GRM7: variants seen among roughly 807,000 people sequenced by gnomAD.
GRM7 encodes metabotropic glutamate receptor 7.
A neutral mutation model predicts 84.5 loss-of-function variants in GRM7; 35 were observed. The observed-to-expected ratio is 0.41, with a 90% CI of 0.32 to 0.55. GRM7 has a LOEUF of 0.55. Ranked by LOEUF, GRM7 falls within the 20% of genes least tolerant of loss-of-function variation. The pLI is 0.19. For synonymous variants in GRM7, 487 were observed against 455.1 expected, an observed-to-expected ratio of 1.07 and a Z score of -0.89; for missense variants, 1,003 against 1,194.6, an observed-to-expected ratio of 0.84 and a Z score of 2.36.
At chr3:6,997,189 C>T (rs1228457623) in intron 1 of GRM7, among the ~76,000 whole-genome samples, 3 of 151,956 alleles carry the variant, frequency 2.0e-5, no homozygotes, top group Non-Finnish European at 4.4e-5. Context: ...TTATTAGCTA[C>T]ATTCAATAAT....
intron 1 of GRM7, among the ~76,000 whole-genome samples, chr3:7,022,052 G>A (rs1310646473): frequency 6.6e-6 from 1 of 152,098 alleles, no homozygotes; most frequent in Non-Finnish European, 1.5e-5. Flanking sequence ...TCTAGGCCGG[G>A]GACAGGGGTT....
chr3:6,896,340 C>T (rs1468093524), intron 1 of GRM7, among the ~76,000 whole-genome samples: 1 of 152,066 alleles, frequency 6.6e-6, no homozygotes, highest in Non-Finnish European at 1.5e-5. Context: ...CTAAGCCAAG[C>T]CTGTTTTGGC....
At chr3:7,019,384 C>T (rs532492967) in intron 1 of GRM7, among the ~76,000 whole-genome samples, 142 of 152,180 alleles carry the variant, frequency 9.3e-4, no homozygotes, top group African/African-American at 3.0e-3. Flanking sequence ...ATGTCGTGTC[C>T]GCTATTATAG....
At chr3:7,381,803 A>G (rs1694602632) in intron 4 of GRM7, among the ~76,000 whole-genome samples, 1 of 152,176 alleles carries the variant, frequency 6.6e-6, no homozygotes, top group Non-Finnish European at 1.5e-5. Context: ...ATATCCTATC[A>G]ATGTGATCTT....
chr3:6,913,919 T>C (rs537606738), intron 1 of GRM7, among the ~76,000 whole-genome samples: 4 of 152,192 alleles, frequency 2.6e-5, no homozygotes, highest in Admixed American at 6.5e-5. Context: ...AGATAAAATA[T>C]CATTTTTTCT....
intron 7 of GRM7, among the ~76,000 whole-genome samples, chr3:7,501,708 C>G (rs1699889101): frequency 6.6e-6 from 1 of 152,134 alleles, no homozygotes; most frequent in Non-Finnish European, 1.5e-5. Flanking sequence ...TGTTCATAAC[C>G]ATTTTCTTTG....
intron 2 of GRM7, among the ~76,000 whole-genome samples, chr3:7,294,973 C>G (rs1464053498): frequency 6.6e-6 from 1 of 152,120 alleles, no homozygotes; most frequent in Non-Finnish European, 1.5e-5. Flanking sequence ...TTCGTTTTCT[C>G]AATGCTGTCT....
At chr3:6,948,805 T>C (rs991493092) in intron 1 of GRM7, among the ~76,000 whole-genome samples, 41 of 152,356 alleles carry the variant, frequency 2.7e-4, no homozygotes, top group Non-Finnish European at 3.2e-4. Flanking sequence ...TTTACCATTA[T>C]GTAATGGCCT....
intron 8 of GRM7, among the ~76,000 whole-genome samples, chr3:7,639,693 T>G (rs943024371): frequency 1.3e-5 from 2 of 152,148 alleles, no homozygotes; most frequent in Non-Finnish European, 2.9e-5. Context: ...ATGTAATATA[T>G]GTATGCAGTA....
At chr3:6,871,856 A>G (rs182727540) in intron 1 of GRM7, among the ~76,000 whole-genome samples, 87 of 152,256 alleles carry the variant, frequency 5.7e-4, no homozygotes, top group Non-Finnish European at 5.7e-4. Flanking sequence ...AGAACGGAAC[A>G]GAGGGTAATT....
At chr3:7,244,429 A>T (rs554312833) in intron 2 of GRM7, among the ~76,000 whole-genome samples, 2 of 152,062 alleles carry the variant, frequency 1.3e-5, no homozygotes, top group African/African-American at 2.4e-5. Flanking sequence ...GTGAGACAAG[A>T]TTCTAAAATA....
chr3:7,342,568 C>A (rs1382291162), intron 4 of GRM7, among the ~76,000 whole-genome samples: 1 of 152,188 alleles, frequency 6.6e-6, no homozygotes, highest in Non-Finnish European at 1.5e-5. Context: ...TCAAGTCTGT[C>A]TACCCTGTAC....
At chr3:7,722,896 G>C (rs1057496944) in intron 9 of GRM7, among the ~76,000 whole-genome samples, 13 of 152,126 alleles carry the variant, frequency 8.5e-5, no homozygotes, top group Non-Finnish European at 1.6e-4. Flanking sequence ...ATTAATTCTT[G>C]GTGGTAGATG....
intron 2 of GRM7, among the ~76,000 whole-genome samples, chr3:7,254,593 T>C (rs1022238493): frequency 6.6e-6 from 1 of 152,182 alleles, no homozygotes; most frequent in African/African-American, 2.4e-5. Context: ...GAGAAAGGAA[T>C]GAGTGTCACT....
intron 4 of GRM7, among the ~76,000 whole-genome samples, chr3:7,370,341 C>T (rs1694079187): frequency 6.6e-6 from 1 of 152,030 alleles, no homozygotes; most frequent in South Asian, 2.1e-4. Context: ...TGATATGGAT[C>T]CAGATTGGAG....
At chr3:7,470,814 G>T (rs1698671204) in intron 7 of GRM7, among the ~76,000 whole-genome samples, 1 of 144,268 alleles carries the variant, frequency 6.9e-6, no homozygotes, top group Admixed American at 6.7e-5. Context: ...ATTATGAAAA[G>T]AAAGAAAGTC....
At chr3:7,698,045 G>A (rs1442558715) in intron 9 of GRM7, among the ~76,000 whole-genome samples, 1 of 152,210 alleles carries the variant, frequency 6.6e-6, no homozygotes, top group African/African-American at 2.4e-5. Flanking sequence ...GACTCTGCAT[G>A]GAAGGCTGAG....
chr3:6,951,764 T>A (rs1020213990), intron 1 of GRM7, among the ~76,000 whole-genome samples: 1 of 152,200 alleles, frequency 6.6e-6, no homozygotes, highest in Non-Finnish European at 1.5e-5. Context: ...GTTCTATAAA[T>A]GTCAATTAGG....
chr3:7,546,380 T>C lies in GRM7; in HGVS notation c.1516-32042T>C, dbSNP rs146628868. ...GGATGGGGACTACTAAGGAAAACAA[T>C]TGTGCTAGTTTCAGGAAGTCTCTGG... On this transcript the variant is annotated intron_variant, in intron 7 of 9. Coordinates refer to ENST00000357716, the MANE Select transcript of GRM7 (RefSeq NM_000844.4). Among the ~76,000 whole-genome samples, 39 of 152,248 alleles carry C rather than the reference T, an allele frequency of 2.6e-4. 2 individuals are homozygous for C. The highest frequency in any genetic ancestry group is 9.1e-4 in the African/African-American group (38 of 41,552).
Sources: gnomAD v4.1 joint callset for allele counts (sites outside exome capture counted in the v4.1 genomes callset) on GRCh38, gnomAD v4.1.1 for gene constraint, MANE v1.5 for transcripts, NCBI Gene and HGNC (gene_info 2026-07-23, HGNC 2026-07-21) for gene names.